The following ICA1 variants were observed in gnomAD, a reference collection of about 807,000 sequenced individuals.
The protein encoded by ICA1 is islet cell autoantigen 1.
In ICA1, 40 loss-of-function variants were observed where a neutral mutation model predicts 71.0. The observed-to-expected ratio is 0.56, with a 90% CI of 0.44 to 0.73. The LOEUF (loss-of-function observed/expected upper bound fraction) is 0.73. Ranked by LOEUF, ICA1 falls within the 30% of genes least tolerant of loss-of-function variation. The pLI, the probability that ICA1 is intolerant of heterozygous loss-of-function variation, is 0.00. For synonymous variants in ICA1, 207 were observed against 209.5 expected (o/e 0.99, Z 0.10); for missense variants, 578 against 576.5 (o/e 1.00, Z -0.03).
At chr7:8,141,980 C>T in intron 9 of ICA1, 163 bp from the exon 10 acceptor site, 1 of 1,505,694 alleles carries the variant, frequency 6.6e-7, no homozygotes. Context: ...TGCCAATTTG[C>T]TGGCCTTCTT....
At chr7:8,165,977 A>C (rs1805809810) in intron 6 of ICA1, among the ~76,000 whole-genome samples, 1 of 152,218 alleles carries the variant, frequency 6.6e-6, no homozygotes, top group East Asian at 1.9e-4. Context: ...TATTCCTATA[A>C]AACTACCAAT....
intron 1 of ICA1, among the ~76,000 whole-genome samples, chr7:8,242,038 C>A (rs559879779): frequency 1.3e-5 from 2 of 152,232 alleles, no homozygotes; most frequent in Non-Finnish European, 2.9e-5. Flanking sequence ...ATATCCAGGA[C>A]TTGAACTCAG....
intron 4 of ICA1, 79 bp from the exon 5 acceptor site, chr7:8,221,477 G>C (rs1797050562): frequency 2.0e-6 from 3 of 1,512,920 alleles, no homozygotes; most frequent in Non-Finnish European, 2.7e-6. Context: ...CAAATCACAA[G>C]GTCCTCTCTC....
intron 6 of ICA1, among the ~76,000 whole-genome samples, chr7:8,172,657 G>GT (rs1303418376): frequency 1.3e-5 from 2 of 152,086 alleles, no homozygotes; most frequent in Non-Finnish European, 2.9e-5. Context: ...ATAATCACAT[G>GT]TTTTTTCTAA....
intron 13 of ICA1, among the ~76,000 whole-genome samples, chr7:8,125,359 C>A (rs1788776309): frequency 6.6e-6 from 1 of 152,192 alleles, no homozygotes. Flanking sequence ...TCCTGAAGAC[C>A]CTTCACTGTG....
At chr7:8,227,455 G>A (rs571810350) in intron 4 of ICA1, among the ~76,000 whole-genome samples, 8 of 152,136 alleles carry the variant, frequency 5.3e-5, no homozygotes, top group South Asian at 4.2e-4. Flanking sequence ...GGGGAGTGGC[G>A]GTCATGTGTC....
In ICA1 at chr7:8,141,748, TA is replaced by T; in HGVS notation, c.955+16del. On this transcript the variant is annotated intron_variant, in intron 10 of 13. Transcript: ENST00000402384. ...GTAATATTTCAGAAGCAATTCTAAA[TA>T]AAAATCAAAACTTACTCTTAAAACT... The T allele has an allele frequency of 1.3e-6, 2 of 1,488,468 alleles. No homozygotes were observed. The highest frequency in any genetic ancestry group is 1.8e-6 in the Non-Finnish European group (2 of 1,081,800). 92.2% of individuals were successfully genotyped at this position (1,488,468 alleles called of 1,614,324 possible).
intron 6 of ICA1, among the ~76,000 whole-genome samples, chr7:8,182,392 C>A (rs1391926943): frequency 6.6e-6 from 1 of 152,194 alleles, no homozygotes; most frequent in East Asian, 1.9e-4. Flanking sequence ...ATTCTCAGAG[C>A]TCTGCATAGT....
At chr7:8,243,184 G>C (rs10280651) in intron 1 of ICA1, among the ~76,000 whole-genome samples, 66,873 of 152,006 alleles carry the variant, frequency 0.44, 16,538 homozygotes, top group African/African-American at 0.67. Context: ...ACTGGCAAAC[G>C]GAATCCAGCA....
chr7:8,258,978 G>C (rs1811255368), intron 1 of ICA1, among the ~76,000 whole-genome samples: 1 of 152,194 alleles, frequency 6.6e-6, no homozygotes, highest in South Asian at 2.1e-4. Context: ...CTTTGTGAAG[G>C]AAGAGGACAG....
chr7:8,146,857 TACACAC>T (rs112979260), intron 8 of ICA1, among the ~76,000 whole-genome samples: 5,046 of 125,422 alleles, frequency 0.04, 122 homozygotes, highest in Middle Eastern at 0.08. Context: ...TTTATTCATG[TACACAC>T]ACACACACAC....
At chr7:8,210,847 G>A (rs1793519389) in intron 6 of ICA1, among the ~76,000 whole-genome samples, 1 of 152,086 alleles carries the variant, frequency 6.6e-6, no homozygotes, top group Admixed American at 6.6e-5. Context: ...TGGGTAGCTG[G>A]GATTACAGAC....
chr7:8,122,913 T>C (rs1278753608), intron 13 of ICA1, among the ~76,000 whole-genome samples: 3 of 152,228 alleles, frequency 2.0e-5, no homozygotes, highest in Admixed American at 1.3e-4. Flanking sequence ...GTAATCTTTC[T>C]AGTATCAGTG....
chr7:8,251,867 G>T (rs1211936064), intron 1 of ICA1, among the ~76,000 whole-genome samples: 1 of 152,122 alleles, frequency 6.6e-6, no homozygotes, highest in Non-Finnish European at 1.5e-5. Flanking sequence ...AACTCAAACT[G>T]CTCACAAAAA....
At chr7:8,199,639 A>C (rs901523923) in intron 6 of ICA1, among the ~76,000 whole-genome samples, 1 of 152,166 alleles carries the variant, frequency 6.6e-6, no homozygotes. Context: ...GCCTGAACCC[A>C]GGAGGCAGAG....
intron 6 of ICA1, among the ~76,000 whole-genome samples, chr7:8,160,044 C>T (rs1159158853): frequency 6.6e-6 from 1 of 152,108 alleles, no homozygotes; most frequent in Non-Finnish European, 1.5e-5. Flanking sequence ...CGTTGTTCAT[C>T]ATTATATTGC....
intron 8 of ICA1, among the ~76,000 whole-genome samples, chr7:8,156,354 C>T (rs1025598868): frequency 6.6e-6 from 1 of 152,226 alleles, no homozygotes; most frequent in African/African-American, 2.4e-5. Flanking sequence ...TGAACTTTAG[C>T]TAGTTCATGC....
rs574957662 is a variant in ICA1 at position 8,113,799 on chromosome 7, C to T, written c.*124G>A. On this transcript the variant is annotated 3_prime_UTR_variant, in exon 14 of 14. Transcript: ENST00000402384. The surrounding 1 kb of genome is among the most constrained non-coding windows in gnomAD (Gnocchi z 4.2). ...ATACCAATATAAACAGGGCCGTTGACCCTTTCATTTTATTAAAATGGCACA... is the reference window on the plus strand; with the variant it reads ...ATACCAATATAAACAGGGCCGTTGATCCTTTCATTTTATTAAAATGGCACA... 57 of 1,041,362 alleles carry T rather than the reference C, an allele frequency of 5.5e-5. No homozygotes were observed. The highest frequency in any genetic ancestry group is 7.7e-5 in the Non-Finnish European group (53 of 688,942). The allele number at this position is 1,041,362 out of a possible 1,614,324, so 64.5% of individuals were successfully genotyped here.
intron 8 of ICA1, among the ~76,000 whole-genome samples, chr7:8,151,259 A>G (rs1207449066): frequency 6.6e-6 from 1 of 152,210 alleles, no homozygotes; most frequent in Non-Finnish European, 1.5e-5. Flanking sequence ...TGGGGGATGG[A>G]GAAGCAACAT....
Sources: gnomAD v4.1 joint callset for allele counts (sites outside exome capture counted in the v4.1 genomes callset) on GRCh38, gnomAD v4.1.1 for gene constraint, Gnocchi (gnomAD v3.1) non-coding constraint, MANE v1.5 for transcripts, NCBI Gene and HGNC (gene_info 2026-07-23, HGNC 2026-07-21) for gene names.